EGFR: variants seen among roughly 807,000 people sequenced by gnomAD.
EGFR encodes epidermal growth factor receptor.
EGFR carries 58 observed loss-of-function variants against 143.0 expected under a neutral mutation model. The ratio of observed to expected loss-of-function variants is 0.41; its 90% CI spans 0.33 to 0.50. The LOEUF (loss-of-function observed/expected upper bound fraction) is 0.50. EGFR is among the 20% of genes least tolerant of loss of function. EGFR has a pLI of 0.39. For missense variants in EGFR, 1,307 were observed against 1,579.0 expected (o/e 0.83, Z 2.92); for synonymous variants, 613 against 594.4 (o/e 1.03, Z -0.45).
intron 1 of EGFR, among the ~76,000 whole-genome samples, chr7:55,070,370 G>T (rs997111175): frequency 6.6e-6 from 1 of 152,178 alleles, no homozygotes; most frequent in Admixed American, 6.5e-5. Context: ...TAACTTTCAT[G>T]CCTCAGCAAA....
chr7:55,104,306 G>A (rs1791994884), intron 1 of EGFR, among the ~76,000 whole-genome samples: 1 of 152,214 alleles, frequency 6.6e-6, no homozygotes, highest in African/African-American at 2.4e-5. Flanking sequence ...GGAGCAGGTT[G>A]CCAAGCTGGG....
chr7:55,024,650 G>A (rs1008706039), intron 1 of EGFR, among the ~76,000 whole-genome samples: 4 of 152,198 alleles, frequency 2.6e-5, no homozygotes, highest in African/African-American at 9.6e-5. Context: ...CCTTTGCATA[G>A]AAGGGCAAGT....
intron 1 of EGFR, among the ~76,000 whole-genome samples, chr7:55,051,788 CT>C (rs1788506743): frequency 6.6e-6 from 1 of 152,234 alleles, no homozygotes; most frequent in African/African-American, 2.4e-5. Context: ...CTATCACCCA[CT>C]GGCTCACACA....
intron 7 of EGFR, 139 bp from the exon 8 acceptor site, chr7:55,155,691 A>G (rs941532370): frequency 1.3e-6 from 1 of 772,218 alleles, no homozygotes; most frequent in Non-Finnish European, 2.4e-6. Context: ...GCAACCTTTC[A>G]TTCTTTGTCC....
At chr7:55,080,720 G>A (rs2128889647) in intron 1 of EGFR, among the ~76,000 whole-genome samples, 1 of 152,282 alleles carries the variant, frequency 6.6e-6, no homozygotes, top group East Asian at 1.9e-4. Context: ...AAAGGTATGT[G>A]CAGTAATACA....
intron 1 of EGFR, among the ~76,000 whole-genome samples, chr7:55,073,178 C>T (rs1247301218): frequency 6.6e-6 from 1 of 152,196 alleles, no homozygotes; most frequent in Non-Finnish European, 1.5e-5. Flanking sequence ...GAAAGACTTC[C>T]CTCAATTCAA....
intron 19 of EGFR, among the ~76,000 whole-genome samples, chr7:55,175,433 T>A (rs988221211): frequency 6.6e-6 from 1 of 151,580 alleles, no homozygotes; most frequent in Non-Finnish European, 1.5e-5. Flanking sequence ...ATTATTGTTA[T>A]CTTCTTACTA....
intron 1 of EGFR, among the ~76,000 whole-genome samples, chr7:55,096,897 T>A (rs1791505736): frequency 6.6e-6 from 1 of 152,178 alleles, no homozygotes; most frequent in Non-Finnish European, 1.5e-5. Flanking sequence ...ATACAGAGGC[T>A]AGCACATGTG....
intron 1 of EGFR, among the ~76,000 whole-genome samples, chr7:55,068,047 T>C (rs1789614453): frequency 6.7e-6 from 1 of 148,804 alleles, no homozygotes; most frequent in Non-Finnish European, 1.5e-5. Flanking sequence ...TGTGTATGTG[T>C]GTACATGTAT....
chr7:55,194,491 G>A (rs577412411), intron 22 of EGFR, among the ~76,000 whole-genome samples: 2 of 152,224 alleles, frequency 1.3e-5, no homozygotes, highest in South Asian at 2.1e-4. Context: ...CTCCCAAAGT[G>A]CATATTTTTT....
At chr7:55,127,176 C>A (rs1401571875) in intron 1 of EGFR, among the ~76,000 whole-genome samples, 1 of 152,174 alleles carries the variant, frequency 6.6e-6, no homozygotes, top group Non-Finnish European at 1.5e-5. Flanking sequence ...TGGCAGGGCT[C>A]TGCTACCCAA....
intron 10 of EGFR, 62 bp from the exon 11 acceptor site, chr7:55,157,601 G>T: frequency 7.4e-7 from 1 of 1,351,866 alleles, no homozygotes; most frequent in Admixed American, 1.7e-5. Context: ...CTAGAGTAAT[G>T]TCTCATACAA....
intron 10 of EGFR, among the ~76,000 whole-genome samples, chr7:55,157,214 T>G (rs1364013868): frequency 6.6e-6 from 1 of 152,240 alleles, no homozygotes; most frequent in South Asian, 2.1e-4. Context: ...GGTCTATGAC[T>G]GCCGCCTGAG....
chr7:55,068,567 C>T lies in EGFR; in HGVS notation c.88+49202C>T, dbSNP rs745712721. Reference sequence around the variant, plus strand: ...GGGCACAGTGATCCTCATCACTAGCCGGGGGGCTCCGTGAGGATCTGCTCC... The same window carrying T: ...GGGCACAGTGATCCTCATCACTAGCTGGGGGGCTCCGTGAGGATCTGCTCC... On this transcript the variant is annotated intron_variant, in intron 1 of 27. Coordinates refer to ENST00000275493, the MANE Select transcript of EGFR (RefSeq NM_005228.5). Among the ~76,000 whole-genome samples the T allele has an allele frequency of 8.5e-5, 13 of 152,116 alleles. No homozygotes were observed. In the East Asian group the frequency reaches 1.2e-3, roughly 14 times the overall value.
rs545559753 is a variant in EGFR, at chr7:55,126,047, C to A, written c.89-16239C>A. 3.3e-5 allele frequency among the ~76,000 whole-genome samples: 5 copies of A among 152,290 alleles called. No homozygotes were observed. The South Asian group carries it at 1.0e-3, about 32-fold the overall frequency. On this transcript the variant is annotated intron_variant, in intron 1 of 27. Transcript: ENST00000275493. ...TCCTCCTGCCCTGCCAGGAAGGTCCCCTGCCCCCAACTCTTCCCCACATGT... is the reference window on the plus strand; with the variant it reads ...TCCTCCTGCCCTGCCAGGAAGGTCCACTGCCCCCAACTCTTCCCCACATGT...
chr7:55,165,888 C>G (rs1291847382), intron 15 of EGFR, among the ~76,000 whole-genome samples: 9 of 152,172 alleles, frequency 5.9e-5, no homozygotes, highest in Admixed American at 5.9e-4. Flanking sequence ...TAAATTAAAA[C>G]TACTTTGGGC....
intron 7 of EGFR, among the ~76,000 whole-genome samples, chr7:55,154,903 T>C (rs922689310): frequency 7.2e-6 from 1 of 138,374 alleles, no homozygotes; most frequent in African/African-American, 2.9e-5. Context: ...ATGAAAAATT[T>C]TACATTCCGT....
intron 1 of EGFR, among the ~76,000 whole-genome samples, chr7:55,035,571 T>A (rs1435471868): frequency 6.7e-6 from 1 of 149,906 alleles, no homozygotes; most frequent in African/African-American, 2.5e-5. Flanking sequence ...TGTAACCCTA[T>A]CTACTAGGGA....
intron 19 of EGFR, among the ~76,000 whole-genome samples, chr7:55,179,588 T>G (rs1410046383): frequency 6.6e-6 from 1 of 152,152 alleles, no homozygotes; most frequent in Non-Finnish European, 1.5e-5. Flanking sequence ...GCAGTCAGCC[T>G]CGGGGCTTCC....
Sources: gnomAD v4.1 joint callset for allele counts (sites outside exome capture counted in the v4.1 genomes callset) on GRCh38, gnomAD v4.1.1 for gene constraint, MANE v1.5 for transcripts, NCBI Gene and HGNC (gene_info 2026-07-23, HGNC 2026-07-21) for gene names.